Variants in DLGAP1 observed in about 807,000 individuals in gnomAD.
The protein encoded by DLGAP1 is DLG associated protein 1, also known as disks large-associated protein 1.
In DLGAP1, 11 loss-of-function variants were observed where a neutral mutation model predicts 90.8. That is an observed-to-expected ratio of 0.12 (90% CI 0.08 to 0.20). DLGAP1 has a LOEUF of 0.20. DLGAP1 is among the 10% of genes least tolerant of loss of function. DLGAP1 has a pLI of 1.00. For synonymous variants in DLGAP1, 558 were observed against 540.7 expected (o/e 1.03, Z -0.44); for missense variants, 1,050 against 1,333.8 (o/e 0.79, Z 3.31).
At chr18:4,240,804 T>G (rs933083552) in intron 1 of DLGAP1, among the ~76,000 whole-genome samples, 2 of 152,226 alleles carry the variant, frequency 1.3e-5, no homozygotes, top group Non-Finnish European at 2.9e-5. Flanking sequence ...TCTCTTCCAA[T>G]GCATGCTGTT....
intron 1 of DLGAP1, among the ~76,000 whole-genome samples, chr18:4,241,696 G>T (rs1242230976): frequency 1.3e-5 from 2 of 152,124 alleles, no homozygotes; most frequent in Admixed American, 6.5e-5. Flanking sequence ...CCAATAAAAA[G>T]TATTTTAAGT....
chr18:3,892,842 T>C (rs1387414140), intron 3 of DLGAP1, among the ~76,000 whole-genome samples: 1 of 147,288 alleles, frequency 6.8e-6, no homozygotes, highest in Admixed American at 6.6e-5. Flanking sequence ...CATATTTTGT[T>C]CAAATCTAAC....
chr18:4,120,319 A>G (rs2076132002), intron 2 of DLGAP1, among the ~76,000 whole-genome samples: 1 of 152,218 alleles, frequency 6.6e-6, no homozygotes. Flanking sequence ...GACTGGTGGA[A>G]AGGCTGAAGT....
intron 5 of DLGAP1, among the ~76,000 whole-genome samples, chr18:3,777,726 T>G (rs1338686033): frequency 6.6e-6 from 1 of 152,170 alleles, no homozygotes; most frequent in Non-Finnish European, 1.5e-5. Context: ...CAGTGATAAA[T>G]TTGGGTCAGC....
At chr18:4,028,616 ATAAAACT>A (rs2074742733) in intron 2 of DLGAP1, among the ~76,000 whole-genome samples, 1 of 152,352 alleles carries the variant, frequency 6.6e-6, no homozygotes, top group Non-Finnish European at 1.5e-5. Context: ...ACAAAAGAAA[ATAAAACT>A]TAAAAGAAAA....
At chr18:3,842,864 T>C (rs2068798234) in intron 4 of DLGAP1, among the ~76,000 whole-genome samples, 1 of 152,198 alleles carries the variant, frequency 6.6e-6, no homozygotes, top group Non-Finnish European at 1.5e-5. Context: ...TGAGAATAGA[T>C]GAGGTCATAT....
chr18:4,124,118 C>T (rs2076196314), intron 2 of DLGAP1, among the ~76,000 whole-genome samples: 1 of 152,188 alleles, frequency 6.6e-6, no homozygotes, highest in African/African-American at 2.4e-5. Context: ...CAACTGACTG[C>T]TCTTTGTCCA....
At chr18:4,437,605 T>C (rs994789053) in intron 1 of DLGAP1, among the ~76,000 whole-genome samples, 4 of 152,222 alleles carry the variant, frequency 2.6e-5, no homozygotes, top group Non-Finnish European at 5.9e-5. Flanking sequence ...AAATTTGTTT[T>C]TGAATATTTC....
At chr18:4,326,305 A>G (rs1940446) in intron 1 of DLGAP1, among the ~76,000 whole-genome samples, 36,506 of 152,028 alleles carry the variant, frequency 0.24, 4,482 homozygotes, top group East Asian at 0.3. Flanking sequence ...ATACTGTCTC[A>G]CAGATGTCAG....
intron 1 of DLGAP1, among the ~76,000 whole-genome samples, chr18:4,287,733 T>C (rs1009502603): frequency 6.6e-6 from 1 of 151,966 alleles, no homozygotes; most frequent in African/African-American, 2.4e-5. Flanking sequence ...ACCTAATGCA[T>C]GTGGGGCTTA....
chr18:4,045,283 C>A (rs2075032550), intron 2 of DLGAP1, among the ~76,000 whole-genome samples: 1 of 151,272 alleles, frequency 6.6e-6, no homozygotes, highest in African/African-American at 2.4e-5. Flanking sequence ...TCATATGTGC[C>A]GAAAATAAAA....
At chr18:4,199,527 T>C (rs2077567747) in intron 1 of DLGAP1, among the ~76,000 whole-genome samples, 1 of 152,100 alleles carries the variant, frequency 6.6e-6, no homozygotes, top group Admixed American at 6.6e-5. Flanking sequence ...CAATGAGAGG[T>C]TGTCATCCAT....
chr18:4,364,573 T>C (rs968764632), intron 1 of DLGAP1, among the ~76,000 whole-genome samples: 24 of 152,100 alleles, frequency 1.6e-4, no homozygotes, highest in Non-Finnish European at 2.9e-5. Context: ...CTGCCATATA[T>C]TATTTAAAAT....
In DLGAP1 at chr18:4,422,783, T is replaced by G. The variant is rs527817266; in HGVS notation, c.-267+32223A>C. 1.4e-3 allele frequency among the ~76,000 whole-genome samples: 210 copies of G among 152,228 alleles called. 2 individuals are homozygous for G. The highest frequency in any genetic ancestry group is 2.6e-3 in the Non-Finnish European group (180 of 67,978). ...TGGGAGAAAATCTTTTATTTCTGAA[T>G]GTAACAAACTTTCATTATATTTAAG... is the stretch of plus-strand genomic sequence containing the variant. On this transcript the variant is annotated intron_variant, in intron 1 of 12. Coordinates refer to ENST00000315677, the MANE Select transcript of DLGAP1 (RefSeq NM_004746.4).
chr18:3,538,043 T>G (rs1203732405), intron 9 of DLGAP1, among the ~76,000 whole-genome samples: 1 of 152,158 alleles, frequency 6.6e-6, no homozygotes, highest in East Asian at 1.9e-4. Context: ...AAACTAATAT[T>G]CTAGTCCATC....
chr18:3,903,933 G>C (rs73940261), intron 3 of DLGAP1, among the ~76,000 whole-genome samples: 1,593 of 152,266 alleles, frequency 0.01, 29 homozygotes, highest in African/African-American at 0.036. Flanking sequence ...CACTATCCTG[G>C]GGCTGAATAC....
chr18:3,511,825 T>A (rs990101549), intron 10 of DLGAP1, among the ~76,000 whole-genome samples: 2 of 152,164 alleles, frequency 1.3e-5, no homozygotes, highest in African/African-American at 4.8e-5. Flanking sequence ...TTCCTTTTCA[T>A]CCCCAGAGGA....
intron 8 of DLGAP1, among the ~76,000 whole-genome samples, chr18:3,578,360 A>ATT (rs750251974): frequency 9.1e-5 from 13 of 143,572 alleles, no homozygotes; most frequent in African/African-American, 2.3e-4. Flanking sequence ...TGCGTCTTTA[A>ATT]TTTTTTTTTT....
chr18:4,327,770 T>C (rs1038633933), intron 1 of DLGAP1, among the ~76,000 whole-genome samples: 3 of 152,026 alleles, frequency 2.0e-5, no homozygotes, highest in South Asian at 2.1e-4. Context: ...CTGAAAACCA[T>C]TGTTCTGCTT....
Sources: gnomAD v4.1 joint callset for allele counts (sites outside exome capture counted in the v4.1 genomes callset) on GRCh38, gnomAD v4.1.1 for gene constraint, MANE v1.5 for transcripts, NCBI Gene and HGNC (gene_info 2026-07-23, HGNC 2026-07-21) for gene names.